The following TFCP2 variants were observed in gnomAD, a reference collection of about 807,000 sequenced individuals.
TFCP2 encodes the protein transcription factor CP2.
A neutral mutation model predicts 73.4 loss-of-function variants in TFCP2; 33 were observed. That is an observed-to-expected ratio of 0.45 (90% CI 0.34 to 0.60). The LOEUF (loss-of-function observed/expected upper bound fraction) is 0.60, where lower values mean the gene tolerates loss of function less well. Among genes scored for constraint, TFCP2 ranks in the 20% least tolerant of loss-of-function variants. The probability of loss-of-function intolerance (pLI) is 0.01; values close to 1 mark genes in which losing one functional copy is unlikely to be tolerated. For synonymous variants in TFCP2, 193 were observed against 211.6 expected, an observed-to-expected ratio of 0.91 and a Z score of 0.76; for missense variants, 352 against 604.0, an observed-to-expected ratio of 0.58 and a Z score of 4.37.
chr12:51,106,724 G>C, intron 7 of TFCP2, 111 bp from the exon 8 acceptor site: 1 of 825,428 alleles, frequency 1.2e-6, no homozygotes, highest in Non-Finnish European at 2.0e-6. Context: ...TAATTCCTCA[G>C]AGACTCCCAT....
chr12:51,152,176 T>C (rs1267835699), intron 1 of TFCP2, among the ~76,000 whole-genome samples: 2 of 152,188 alleles, frequency 1.3e-5, no homozygotes, highest in Non-Finnish European at 2.9e-5. Context: ...ATAAATAGCA[T>C]GTGCATCCTA....
At chr12:51,138,181 G>A (rs768823601) in intron 1 of TFCP2, among the ~76,000 whole-genome samples, 1 of 151,968 alleles carries the variant, frequency 6.6e-6, no homozygotes, top group Non-Finnish European at 1.5e-5. Context: ...GCACTCTGTC[G>A]CCCAGGCTGT....
intron 1 of TFCP2, among the ~76,000 whole-genome samples, chr12:51,120,265 C>T (rs1488946071): frequency 1.4e-5 from 2 of 148,040 alleles, no homozygotes; most frequent in South Asian, 4.3e-4. Flanking sequence ...AGTAAGAGAA[C>T]GGATGTACAA....
chr12:51,101,913 T>G, intron 11 of TFCP2, 22 bp downstream of exon 11: 1 of 1,509,988 alleles, frequency 6.6e-7, no homozygotes, highest in Non-Finnish European at 9.2e-7. Flanking sequence ...ACCTTATTGA[T>G]ATTTTAACAC....
intron 1 of TFCP2, among the ~76,000 whole-genome samples, chr12:51,123,187 T>G (rs886793194): frequency 6.6e-6 from 1 of 152,184 alleles, no homozygotes; most frequent in Non-Finnish European, 1.5e-5. Context: ...CCCCTAAAAT[T>G]AACTCAAAAC....
chr12:51,165,677 T>C (rs1342852002), intron 1 of TFCP2, among the ~76,000 whole-genome samples: 1 of 152,166 alleles, frequency 6.6e-6, no homozygotes, highest in Non-Finnish European at 1.5e-5. Flanking sequence ...AGACAGATCA[T>C]GGTGACAGTT....
intron 1 of TFCP2, among the ~76,000 whole-genome samples, chr12:51,147,534 G>T (rs1941325188): frequency 6.6e-6 from 1 of 151,700 alleles, no homozygotes; most frequent in Admixed American, 6.6e-5. Context: ...AGAGGTGGGG[G>T]GGGAAAGAGA....
rs1424425318 is a variant in TFCP2, at chr12:51,172,672, C to G, written c.-250G>C. Reference sequence around the variant, plus strand: ...GCCCAGCTCTCAGGAACGTGAGGACCCCTTTGCTCAACTACTGCAGACTTC... The same window carrying G: ...GCCCAGCTCTCAGGAACGTGAGGACGCCTTTGCTCAACTACTGCAGACTTC... On this transcript the variant is annotated 5_prime_UTR_variant, in exon 1 of 15. Coordinates refer to ENST00000257915, the MANE Select transcript of TFCP2 (RefSeq NM_005653.5). The G allele has an allele frequency of 2.3e-6, 1 of 436,726 alleles. No homozygotes were observed. The highest frequency in any genetic ancestry group is 4.2e-6 in the Non-Finnish European group (1 of 237,496). 27.1% of individuals were successfully genotyped at this position (436,726 alleles called of 1,614,324 possible). A position where few individuals can be genotyped will look rare whatever the true frequency, so the allele number is the denominator to read the frequency against.
At chr12:51,139,928 G>A (rs1326823881) in intron 1 of TFCP2, among the ~76,000 whole-genome samples, 1 of 152,122 alleles carries the variant, frequency 6.6e-6, no homozygotes, top group Non-Finnish European at 1.5e-5. Context: ...AGGTTACACA[G>A]CTATTAAATA....
intron 1 of TFCP2, among the ~76,000 whole-genome samples, chr12:51,131,332 C>CAA (rs34469805): frequency 1.9e-3 from 218 of 117,616 alleles, no homozygotes; most frequent in Middle Eastern, 8.5e-3. Flanking sequence ...AAGACTGTCT[C>CAA]AAAAAAAAAA....
At chr12:51,100,070 A>G (rs1454753605) in intron 11 of TFCP2, among the ~76,000 whole-genome samples, 1 of 152,186 alleles carries the variant, frequency 6.6e-6, no homozygotes, top group Non-Finnish European at 1.5e-5. Context: ...CATGAAAACA[A>G]TCAGCCGTTC....
At chr12:51,144,621 G>C (rs940155156) in intron 1 of TFCP2, among the ~76,000 whole-genome samples, 5 of 152,216 alleles carry the variant, frequency 3.3e-5, no homozygotes, top group African/African-American at 1.2e-4. Context: ...ACATTTGTAG[G>C]TGAAAAAAAT....
At chr12:51,133,838 C>G (rs1175128780) in intron 1 of TFCP2, among the ~76,000 whole-genome samples, 2 of 150,120 alleles carry the variant, frequency 1.3e-5, no homozygotes, top group Non-Finnish European at 2.9e-5. Flanking sequence ...ACAAGAATCA[C>G]TTGAACTCGG....
At position 51,172,848 on chromosome 12, in the gene TFCP2, T is replaced by A. The variant is rs2137058255; in HGVS notation, c.-426A>T. ...CACCTTTTCCCCCGCCCCTTTCTGCTGGAGGCCCCCTCCCTCCCAGGTCTC... is the reference window on the plus strand; with the variant it reads ...CACCTTTTCCCCCGCCCCTTTCTGCAGGAGGCCCCCTCCCTCCCAGGTCTC... On this transcript the variant is annotated 5_prime_UTR_variant, in exon 1 of 15. Coordinates refer to ENST00000257915, the MANE Select transcript of TFCP2 (RefSeq NM_005653.5). The A allele has an allele frequency of 5.7e-6, 1 of 174,696 alleles. No homozygotes were observed. Among genetic ancestry groups the A allele is most frequent in the Middle Eastern group, 2.8e-3 (1 of 358 alleles). 10.8% of individuals were successfully genotyped at this position (174,696 alleles called of 1,614,324 possible).
rs1405629350 is a variant in TFCP2 at position 51,110,734 on chromosome 12, G to A, written c.564+143C>T. 69 of 581,628 alleles carry A rather than the reference G, an allele frequency of 1.2e-4. No individual in the cohort carries two copies. In the East Asian group the frequency reaches 1.8e-3, roughly 15 times the overall value. 36.0% of individuals were successfully genotyped at this position (581,628 alleles called of 1,614,324 possible). A position where few individuals can be genotyped will look rare whatever the true frequency, so the allele number is the denominator to read the frequency against. On this transcript the variant is annotated intron_variant, in intron 5 of 14. Transcript: ENST00000257915. ...ATTCAGAAACTCCTCAATGCTCTCAGGCACAGGTTAAAGAGCCTGGGCTTG... is the reference window on the plus strand; with the variant it reads ...ATTCAGAAACTCCTCAATGCTCTCAAGCACAGGTTAAAGAGCCTGGGCTTG...
intron 1 of TFCP2, among the ~76,000 whole-genome samples, chr12:51,146,292 G>A (rs777334394): frequency 3.3e-5 from 5 of 151,428 alleles, no homozygotes; most frequent in African/African-American, 4.9e-5. Flanking sequence ...TGGGTGACAC[G>A]GCGAGATCCT....
chr12:51,096,420 CAAACTCCCTTCTCCCAGGGAT>C (rs1283777156), intron 13 of TFCP2, among the ~76,000 whole-genome samples: 3 of 152,304 alleles, frequency 2.0e-5, no homozygotes, highest in Admixed American at 1.3e-4. Flanking sequence ...TTTCCCTTCT[CAAACTCCCTTCTCCCAGGGAT>C]AAACTCCCTT....
At chr12:51,155,456 G>T (rs982068124) in intron 1 of TFCP2, among the ~76,000 whole-genome samples, 2 of 152,090 alleles carry the variant, frequency 1.3e-5, no homozygotes, top group Non-Finnish European at 2.9e-5. Context: ...ATTTTTGGAA[G>T]AACCACCAGT....
At chr12:51,148,429 G>A (rs146497801) in intron 1 of TFCP2, among the ~76,000 whole-genome samples, 85 of 152,312 alleles carry the variant, frequency 5.6e-4, no homozygotes, top group Admixed American at 2.0e-3. Flanking sequence ...GTGGCCGGGC[G>A]TGGTGGCCCA....
Sources: gnomAD v4.1 joint callset for allele counts (sites outside exome capture counted in the v4.1 genomes callset) on GRCh38, gnomAD v4.1.1 for gene constraint, MANE v1.5 for transcripts, NCBI Gene and HGNC (gene_info 2026-07-23, HGNC 2026-07-21) for gene names.